The following WNT2B variants were observed in gnomAD, a reference collection of about 807,000 sequenced individuals.
WNT2B encodes the protein protein Wnt-2b.
In WNT2B, 19 loss-of-function variants were observed where a neutral mutation model predicts 40.5. The observed-to-expected ratio is 0.47, with a 90% confidence interval of 0.33 to 0.69. The LOEUF is 0.69. Ranked by LOEUF, WNT2B falls within the 30% of genes least tolerant of loss-of-function variation. WNT2B has a pLI of 0.02. For missense variants in WNT2B, 467 were observed against 556.4 expected (o/e 0.84, Z 1.62); for synonymous variants, 220 against 211.9 (o/e 1.04, Z -0.33).
intron 1 of WNT2B, among the ~76,000 whole-genome samples, chr1:112,479,598 T>C (rs566732605): frequency 4.1e-4 from 63 of 152,166 alleles, no homozygotes; most frequent in Middle Eastern, 3.4e-3. Context: ...TTCTAATGGA[T>C]ATACAGTATA....
chr1:112,502,979 ACACT>A (rs901158602), intron 1 of WNT2B, among the ~76,000 whole-genome samples: 3 of 152,128 alleles, frequency 2.0e-5, no homozygotes, highest in Non-Finnish European at 4.4e-5. Flanking sequence ...ATCTGCACAC[ACACT>A]CACACACACA....
chr1:112,467,066 G>C (rs1192964267), exon 1 of WNT2B: 1 of 158,262 alleles, frequency 6.3e-6, no homozygotes, highest in African/African-American at 2.4e-5. Flanking sequence ...GTGGAGTCAG[G>C]AAAGGTCTCA....
At chr1:112,497,742 G>A (rs948631525) in intron 1 of WNT2B, among the ~76,000 whole-genome samples, 1 of 152,122 alleles carries the variant, frequency 6.6e-6, no homozygotes, top group African/African-American at 2.4e-5. Flanking sequence ...TACATGACGA[G>A]GCTGAGAATT....
At chr1:112,508,726 CTGGGCGCTT>C, upstream of WNT2B, 1 of 986,018 alleles carries the variant, frequency 1.0e-6, no homozygotes. The surrounding 1 kb of genome is among the most constrained non-coding windows in gnomAD (Gnocchi z 4.2). Context: ...TCGGCAGGGA[CTGGGCGCTT>C]GGGGCGCAGG....
Position 112,529,013 on chromosome 1 carries a change from C to T in WNT2B, c.*8504C>T, listed in dbSNP as rs1334047280. On this transcript the variant is annotated 3_prime_UTR_variant, in exon 5 of 5. Transcript: ENST00000369684. ...AAGGTAAAAATCGCTACTTATGGGG[C>T]TTTTGTCATACTTCTTAACCAAACT... The T allele has an allele frequency of 6.6e-6, 1 of 152,148 alleles. No individual in the cohort carries two copies. Among genetic ancestry groups the T allele is most frequent in the African/African-American group, 2.4e-5 (1 of 41,426 alleles). 9.4% of individuals were successfully genotyped at this position (152,148 alleles called of 1,614,324 possible).
chr1:112,472,488 T>G (rs1650909647), intron 1 of WNT2B, among the ~76,000 whole-genome samples: 2 of 151,836 alleles, frequency 1.3e-5, no homozygotes, highest in African/African-American at 4.8e-5. Flanking sequence ...TCTTCAGAGT[T>G]TTGTCTCTAT....
chr1:112,503,944 G>A (rs1652034441), intron 1 of WNT2B, among the ~76,000 whole-genome samples: 1 of 152,164 alleles, frequency 6.6e-6, no homozygotes, highest in Non-Finnish European at 1.5e-5. Flanking sequence ...AGAGTGGGAG[G>A]GAGGCAGGCC....
chr1:112,501,425 A>G (rs891348015), intron 1 of WNT2B, among the ~76,000 whole-genome samples: 6 of 152,148 alleles, frequency 3.9e-5, no homozygotes, highest in African/African-American at 1.4e-4. Flanking sequence ...AGGGAGTTGT[A>G]TGTCACCTCC....
intron 1 of WNT2B, among the ~76,000 whole-genome samples, chr1:112,496,191 G>A (rs1441958876): frequency 1.3e-5 from 2 of 152,142 alleles, no homozygotes. Context: ...ATAGCTCACT[G>A]CAAGCCTCGA....
At chr1:112,479,344 C>T (rs1037931774) in intron 1 of WNT2B, among the ~76,000 whole-genome samples, 2 of 151,886 alleles carry the variant, frequency 1.3e-5, no homozygotes, top group East Asian at 3.9e-4. Flanking sequence ...GAGGCCGAGA[C>T]GGGCTGATCA....
chr1:112,467,731 C>T (rs748146855), intron 1 of WNT2B: 9 of 616,358 alleles, frequency 1.5e-5, no homozygotes, highest in East Asian at 1.1e-4. Context: ...TTGTTATACA[C>T]GTAGTATGTA....
At chr1:112,496,598 CTTTT>C (rs1019666043) in intron 1 of WNT2B, among the ~76,000 whole-genome samples, 1 of 134,830 alleles carries the variant, frequency 7.4e-6, no homozygotes, top group African/African-American at 2.5e-5. Flanking sequence ...GTTTCTTTTT[CTTTT>C]TTGTTTTTTT....
chr1:112,510,666 CCT>C (rs745941555), intron 1 of WNT2B, among the ~76,000 whole-genome samples: 6 of 152,066 alleles, frequency 3.9e-5, no homozygotes, highest in Non-Finnish European at 5.9e-5. Context: ...ACCCCCACCC[CCT>C]GTTTTCCTGT....
rs1652238668 is a variant in WNT2B at position 112,509,078 on chromosome 1, A to G, written c.-185A>G. 2.2e-6 allele frequency: 3 copies of G among 1,348,536 alleles called. No homozygotes were observed. Among genetic ancestry groups the G allele is most frequent in the Non-Finnish European group, 2.8e-6 (3 of 1,059,100 alleles). The allele number at this position is 1,348,536 out of a possible 1,614,324, so 83.5% of individuals were successfully genotyped here. A position where few individuals can be genotyped will look rare whatever the true frequency, so the allele number is the denominator to read the frequency against. ...GGCACGCCGTCGTCGGCTTCCGGAC[A>G]TCGCAACTTGCGCCCCTCTCGGGGA... On this transcript the variant is annotated 5_prime_UTR_variant, in exon 1 of 5. Coordinates refer to ENST00000369684, the MANE Select transcript of WNT2B (RefSeq NM_024494.3). The surrounding 1 kb of genome is among the most constrained non-coding windows in gnomAD (Gnocchi z 4.2).
rs1388361885 is a variant in WNT2B, at chr1:112,523,886, C to T, written c.*3377C>T. The T allele has an allele frequency of 6.6e-6, 1 of 151,900 alleles. No individual in the cohort carries two copies. The highest frequency in any genetic ancestry group is 1.5e-5 in the Non-Finnish European group (1 of 68,008). 9.4% of individuals were successfully genotyped at this position (151,900 alleles called of 1,614,324 possible). On this transcript the variant is annotated 3_prime_UTR_variant, in exon 5 of 5. Coordinates refer to ENST00000369684, the MANE Select transcript of WNT2B (RefSeq NM_024494.3). Reference sequence around the variant, plus strand: ...GTAAAAGTAAGAATGCCAGCCTTAACCTAGCCCTGCAGATAAAAGCTAACT... The same window carrying T: ...GTAAAAGTAAGAATGCCAGCCTTAATCTAGCCCTGCAGATAAAAGCTAACT...
At chr1:112,496,346 C>G (rs988893647) in intron 1 of WNT2B, among the ~76,000 whole-genome samples, 3 of 152,052 alleles carry the variant, frequency 2.0e-5, no homozygotes, top group Admixed American at 1.3e-4. Context: ...TGCCTCTGGC[C>G]CCCACAAAGT....
chr1:112,470,220 T>C (rs1004590472), intron 1 of WNT2B, among the ~76,000 whole-genome samples: 2 of 152,204 alleles, frequency 1.3e-5, no homozygotes, highest in African/African-American at 4.8e-5. Context: ...TATTTCTCCT[T>C]CATGTTTGAA....
Position 112,509,118 on chromosome 1 carries a change from T to G in WNT2B, c.-145T>G. On this transcript the variant is annotated 5_prime_UTR_variant, in exon 1 of 5. Coordinates refer to ENST00000369684, the MANE Select transcript of WNT2B (RefSeq NM_024494.3). The surrounding 1 kb of genome is among the most constrained non-coding windows in gnomAD (Gnocchi z 4.2). ...CCTCTCGGGGATCCTCCTCCCGGGC[T>G]CTGGACCCCAGGTGATCCTAGGTCC... 1 of 1,362,716 alleles carries G rather than the reference T, an allele frequency of 7.3e-7. No homozygotes were observed. Among genetic ancestry groups the G allele is most frequent in the South Asian group, 1.8e-5 (1 of 56,410 alleles). 84.4% of individuals were successfully genotyped at this position (1,362,716 alleles called of 1,614,324 possible).
At chr1:112,491,775 T>C (rs536495114) in intron 1 of WNT2B, among the ~76,000 whole-genome samples, 5 of 152,196 alleles carry the variant, frequency 3.3e-5, no homozygotes, top group African/African-American at 1.2e-4. Flanking sequence ...CCTGTGGTCC[T>C]AACTACTCAG....
Sources: allele counts gnomAD v4.1 joint callset (sites outside exome capture counted in the v4.1 genomes callset), GRCh38; gene constraint gnomAD v4.1.1; non-coding constraint Gnocchi (gnomAD v3.1); transcripts MANE v1.5; gene names NCBI Gene and HGNC (gene_info 2026-07-23, HGNC 2026-07-21).